The following NID1 variants were observed in gnomAD, a reference collection of about 807,000 sequenced individuals.
NID1 encodes the protein nidogen-1.
In NID1, 76 loss-of-function variants were observed where a neutral mutation model predicts 130.6. The observed-to-expected ratio is 0.58, with a 90% CI of 0.48 to 0.70. The LOEUF is 0.70. Among genes scored for constraint, NID1 ranks in the 30% least tolerant of loss-of-function variants. The probability of loss-of-function intolerance (pLI) is 0.00; values close to 1 mark genes in which losing one functional copy is unlikely to be tolerated. For missense variants in NID1, 1,517 were observed against 1,664.8 expected (o/e 0.91, Z 1.54); for synonymous variants, 665 against 675.1 (o/e 0.98, Z 0.23).
Position 236,025,921 on chromosome 1 carries a change from G to A in NID1, c.1959C>T (p.Leu653=). The A allele has an allele frequency of 3.7e-6, 6 of 1,614,102 alleles. No homozygotes were observed. The highest frequency in any genetic ancestry group is 5.1e-6 in the Non-Finnish European group (6 of 1,180,024). Residue 653 remains leucine (L), a synonymous_variant, in exon 8 of 20, where the codon CTC becomes CTT. Coordinates refer to ENST00000264187, the MANE Select transcript of NID1 (RefSeq NM_002508.3). ...NQEEKILRYA[L]SNSIGPVREG... ...CCCTCACAGGCCCAATGGAGTTGCT[G>A]AGAGCATAGCGCAAGATCTTCTCCT...
intron 5 of NID1, among the ~76,000 whole-genome samples, chr1:236,035,309 C>T (rs1423782830): frequency 1.0e-5 from 1 of 96,490 alleles, no homozygotes; most frequent in Non-Finnish European, 2.0e-5. Flanking sequence ...CATGTCCCTA[C>T]AAAGGACATG....
chr1:235,986,712 T>G (rs535637538), intron 14 of NID1, among the ~76,000 whole-genome samples: 1 of 152,226 alleles, frequency 6.6e-6, no homozygotes, highest in South Asian at 2.1e-4. Flanking sequence ...TCCAGCCGCC[T>G]GGGCCTCCCA....
chr1:236,029,694 C>T lies in NID1; in HGVS notation c.1594G>A (p.Val532Ile). 2 of 1,614,144 alleles carry T rather than the reference C, an allele frequency of 1.2e-6. No homozygotes were observed. The highest frequency in any genetic ancestry group is 1.7e-6 in the Non-Finnish European group (2 of 1,180,042). Residue 532 changes from valine to isoleucine, a missense_variant, in exon 7 of 20, where the codon GTC (valine) becomes ATC (isoleucine). By Grantham distance (29) the Val-to-Ile change is conservative. Around this residue, in one of 3 missense-constraint regions of NID1, gnomAD observed 1,329 missense variants for 1,429.2 expected, o/e 0.93. Coordinates refer to ENST00000264187, the MANE Select transcript of NID1 (RefSeq NM_002508.3). ...ATGCCGCTGAACCGCTGCTTAATGA[C>T]CAGATTGCCCGGGTGCCCCACGAAG... The part of the protein sequence containing the change: ...VTFVGHPGNL[V>I]IKQRFSGIDE...
At chr1:235,980,760 A>G (rs552474336) in intron 16 of NID1, 107 bp from the exon 17 acceptor site, 25 of 1,184,468 alleles carry the variant, frequency 2.1e-5, no homozygotes, top group Non-Finnish European at 2.7e-5. Context: ...ATTGGCAGAC[A>G]TGAAAACAGA....
At chr1:236,039,371 G>A (rs1046005849) in intron 4 of NID1, among the ~76,000 whole-genome samples, 10 of 151,350 alleles carry the variant, frequency 6.6e-5, no homozygotes, top group African/African-American at 2.4e-4. Flanking sequence ...GTGCCATTGT[G>A]CCTGGCTTAT....
intron 2 of NID1, among the ~76,000 whole-genome samples, chr1:236,046,598 A>G (rs565642513): frequency 1.2e-4 from 18 of 151,992 alleles, no homozygotes; most frequent in Admixed American, 1.2e-3. Flanking sequence ...TGTGCAAGAT[A>G]CTGCGGATAA....
At position 236,010,381 on chromosome 1, in the gene NID1, A is replaced by G. The variant is rs1240121428; in HGVS notation, c.2527+1540T>C. Among the ~76,000 whole-genome samples, 4 of 143,276 alleles carry G rather than the reference A, an allele frequency of 2.8e-5. No homozygotes were observed. In the Admixed American group the frequency reaches 3.0e-4, roughly 11 times the overall value. The allele number at this position is 143,276 out of a possible 152,430, so 94.0% of individuals were successfully genotyped here. On this transcript the variant is annotated intron_variant, in intron 12 of 19. Transcript: ENST00000264187. Reference sequence around the variant, plus strand: ...GTGTAGAGTGATCTTGGCTCACTGCAGCCTTGATCTCCCTGGCTCAATCTT... The same window carrying G: ...GTGTAGAGTGATCTTGGCTCACTGCGGCCTTGATCTCCCTGGCTCAATCTT...
At chr1:236,044,961 G>A (rs1659555657) in intron 3 of NID1, among the ~76,000 whole-genome samples, 1 of 152,128 alleles carries the variant, frequency 6.6e-6, no homozygotes. Flanking sequence ...CACTTTGGGA[G>A]GCTGAGGTGG....
At position 236,042,011 on chromosome 1, in the gene NID1, G is replaced by A; in HGVS notation, c.1034C>T (p.Pro345Leu). ...RRAATERPLGPPTERTRSFQL... is the reference protein window; with the variant it reads ...RRAATERPLGLPTERTRSFQL... ...GAAAGACCTGGTTCTCTCTGTGGGA[G>A]GTCCAAGGGGCCTTTCGGTAGCTGC... The change falls in exon 4 of 20, where the codon CCT (proline) becomes CTT (leucine). Residue 345 changes from proline (P) to leucine (L), a missense_variant. Around this residue, in one of 3 missense-constraint regions of NID1, gnomAD observed 1,329 missense variants for 1,429.2 expected, o/e 0.93. Coordinates refer to ENST00000264187, the MANE Select transcript of NID1 (RefSeq NM_002508.3). 1.9e-6 allele frequency: 3 copies of A among 1,614,196 alleles called. No individual in the cohort carries two copies. The highest frequency in any genetic ancestry group is 1.3e-5 in the African/African-American group (1 of 75,058).
rs565959546 is a variant in NID1 at position 236,009,611 on chromosome 1, C to A, written c.2527+2310G>T. Among the ~76,000 whole-genome samples the A allele has an allele frequency of 2.4e-4, 36 of 152,312 alleles. 1 individual carries two copies. Among genetic ancestry groups the A allele is most frequent in the African/African-American group, 8.2e-4 (34 of 41,574 alleles). Reference sequence around the variant, plus strand: ...TTCACATAGGCTTATGTTTTATACACATGGGGCCATGCTATACATATCCTT... The same window carrying A: ...TTCACATAGGCTTATGTTTTATACAAATGGGGCCATGCTATACATATCCTT... On this transcript the variant is annotated intron_variant, in intron 12 of 19. Transcript: ENST00000264187.
chr1:236,059,039 AC>A (rs1659971781), intron 1 of NID1, among the ~76,000 whole-genome samples: 1 of 152,212 alleles, frequency 6.6e-6, no homozygotes, highest in Non-Finnish European at 1.5e-5. Flanking sequence ...ATTTAGTACA[AC>A]CATCCCTCTT....
chr1:235,995,156 A>T (rs1304167061), intron 12 of NID1, among the ~76,000 whole-genome samples: 1 of 152,254 alleles, frequency 6.6e-6, no homozygotes, highest in Non-Finnish European at 1.5e-5. Flanking sequence ...TTGGAAAAAT[A>T]AAAAGGATAG....
chr1:235,976,190 A>G lies in NID1; in HGVS notation c.*1677T>C, dbSNP rs1368287400. ...CAAGACAAACTCCAATTATTCAAGGAAGACTTTCTTTCAATTCAGGTTCCA... is the reference window on the plus strand; with the variant it reads ...CAAGACAAACTCCAATTATTCAAGGGAGACTTTCTTTCAATTCAGGTTCCA... On this transcript the variant is annotated 3_prime_UTR_variant, in exon 20 of 20. Transcript: ENST00000264187. 6.6e-6 allele frequency: 1 copy of G among 152,218 alleles called. No individual in the cohort carries two copies. Among genetic ancestry groups the G allele is most frequent in the African/African-American group, 2.4e-5 (1 of 41,442 alleles). The allele number at this position is 152,218 out of a possible 1,614,324, so 9.4% of individuals were successfully genotyped here.
intron 1 of NID1, among the ~76,000 whole-genome samples, chr1:236,061,730 T>C (rs1660042877): frequency 6.6e-6 from 1 of 151,838 alleles, no homozygotes; most frequent in Admixed American, 6.6e-5. Context: ...TTCTCAACAA[T>C]TAAAAAAAAA....
chr1:235,996,608 A>T (rs975388712), intron 12 of NID1, among the ~76,000 whole-genome samples: 5 of 151,822 alleles, frequency 3.3e-5, no homozygotes, highest in African/African-American at 1.2e-4. Context: ...CACTTGGCTA[A>T]TTTTTTGCAT....
At chr1:236,025,593 G>A (rs1422122917) in intron 8 of NID1, among the ~76,000 whole-genome samples, 2 of 152,114 alleles carry the variant, frequency 1.3e-5, no homozygotes, top group African/African-American at 4.8e-5. Context: ...ATATTAAAGG[G>A]TTTTAAAAGC....
intron 12 of NID1, among the ~76,000 whole-genome samples, chr1:236,011,644 A>G (rs1658426092): frequency 6.6e-6 from 1 of 152,006 alleles, no homozygotes; most frequent in Non-Finnish European, 1.5e-5. Flanking sequence ...CCATGCTCTG[A>G]TCTCCCACCT....
At chr1:236,061,632 T>G (rs78311716) in intron 1 of NID1, among the ~76,000 whole-genome samples, 10,891 of 151,910 alleles carry the variant, frequency 0.072, 1,190 homozygotes, top group African/African-American at 0.24. Context: ...CACCTGGCTG[T>G]TTTTCGTATT....
chr1:236,054,839 A>C (rs2102850042), intron 1 of NID1, among the ~76,000 whole-genome samples: 1 of 151,646 alleles, frequency 6.6e-6, no homozygotes, highest in East Asian at 2.0e-4. Context: ...ACAGGGTTTC[A>C]CCATGTTGGC....
Sources: allele counts gnomAD v4.1 joint callset (sites outside exome capture counted in the v4.1 genomes callset), GRCh38; gene constraint gnomAD v4.1.1; regional missense constraint gnomAD v4.1.1; transcripts MANE v1.5; gene names NCBI Gene and HGNC (gene_info 2026-07-23, HGNC 2026-07-21).